TMEM178B: variants seen among roughly 807,000 people sequenced by gnomAD.
TMEM178B encodes the protein transmembrane protein 178B.
Under a neutral mutation model 31.0 loss-of-function variants are expected in TMEM178B, and 5 were observed. The ratio of observed to expected loss-of-function variants is 0.16; its 90% CI spans 0.08 to 0.34. TMEM178B has a LOEUF of 0.34. Ranked by LOEUF, TMEM178B falls within the 10% of genes least tolerant of loss-of-function variation. The pLI, the probability that TMEM178B is intolerant of heterozygous loss-of-function variation, is 1.00. For synonymous variants in TMEM178B, 164 were observed against 164.0 expected (o/e 1.00, Z 0.00); for missense variants, 275 against 400.3 (o/e 0.69, Z 2.67).
chr7:141,353,484 T>C (rs1332733879), intron 2 of TMEM178B, among the ~76,000 whole-genome samples: 1 of 152,244 alleles, frequency 6.6e-6, no homozygotes, highest in Non-Finnish European at 1.5e-5. Context: ...ATAGATGTTG[T>C]TCCTTTTGAC....
At chr7:141,277,019 G>A (rs903850717) in intron 2 of TMEM178B, among the ~76,000 whole-genome samples, 7 of 152,204 alleles carry the variant, frequency 4.6e-5, no homozygotes, top group Admixed American at 2.0e-4. Flanking sequence ...CTCTGGGTGA[G>A]TCAGTGAGTG....
At chr7:141,366,793 C>T (rs533375729) in intron 2 of TMEM178B, among the ~76,000 whole-genome samples, 6 of 152,202 alleles carry the variant, frequency 3.9e-5, no homozygotes, top group South Asian at 2.1e-4. Context: ...TTCCTTCATC[C>T]GATTTGGATG....
At chr7:141,208,697 A>C (rs1797004132) in intron 1 of TMEM178B, among the ~76,000 whole-genome samples, 1 of 152,076 alleles carries the variant, frequency 6.6e-6, no homozygotes, top group Non-Finnish European at 1.5e-5. Flanking sequence ...GCTCTTGCTG[A>C]ATGTCAAGGG....
At position 141,462,979 on chromosome 7, in the gene TMEM178B, C is replaced by T. The variant is rs980906927; in HGVS notation, c.635-7557C>T. Among the ~76,000 whole-genome samples, 4 of 152,284 alleles carry T rather than the reference C, an allele frequency of 2.6e-5. No individual in the cohort carries two copies. In the South Asian group the frequency reaches 8.3e-4, roughly 32 times the overall value. On this transcript the variant is annotated intron_variant, in intron 3 of 3. Transcript: ENST00000565468. ...TGTCTACATAGCCCATTCCCCACCT[C>T]GGCCATGCCTTCCCACTCACAGGTG...
At chr7:141,120,941 G>A (rs1039721658) in intron 1 of TMEM178B, among the ~76,000 whole-genome samples, 1 of 151,444 alleles carries the variant, frequency 6.6e-6, no homozygotes, top group Non-Finnish European at 1.5e-5. Flanking sequence ...CTCCAGACTG[G>A]GTGACAGAGC....
At chr7:141,316,589 A>G (rs1010221822) in intron 2 of TMEM178B, among the ~76,000 whole-genome samples, 1 of 152,122 alleles carries the variant, frequency 6.6e-6, no homozygotes, top group Non-Finnish European at 1.5e-5. Context: ...ACTTACACAC[A>G]TACACGAATA....
chr7:141,293,457 T>C (rs1471082112), intron 2 of TMEM178B, among the ~76,000 whole-genome samples: 1 of 152,196 alleles, frequency 6.6e-6, no homozygotes, highest in Non-Finnish European at 1.5e-5. Context: ...AAAGTGACTT[T>C]TGGAATTGGA....
Position 141,279,871 on chromosome 7 carries a change from G to A in TMEM178B, c.496+67167G>A, listed in dbSNP as rs917970343. ...CATGATTCCCAAGTTATTCACTTCTGGGATCCTAGAAGTCCAAACTCTCAA... is the reference window on the plus strand; with the variant it reads ...CATGATTCCCAAGTTATTCACTTCTAGGATCCTAGAAGTCCAAACTCTCAA... On this transcript the variant is annotated intron_variant, in intron 2 of 3. Coordinates refer to ENST00000565468, the MANE Select transcript of TMEM178B (RefSeq NM_001195278.2). Among the ~76,000 whole-genome samples the A allele has an allele frequency of 5.3e-5, 8 of 152,328 alleles. No homozygotes were observed. In the East Asian group the frequency reaches 1.5e-3, roughly 29 times the overall value.
chr7:141,231,933 A>G (rs767775532), intron 2 of TMEM178B, among the ~76,000 whole-genome samples: 1 of 152,122 alleles, frequency 6.6e-6, no homozygotes. Context: ...TCTATTAGCT[A>G]TTCTTCCTGA....
the TMEM178B span, among the ~76,000 whole-genome samples, chr7:141,506,122 G>A: frequency 6.6e-6 from 1 of 152,174 alleles, no homozygotes; most frequent in Admixed American, 6.5e-5. Context: ...TTGCTCCCAG[G>A]GCAGTTCTCT....
intron 1 of TMEM178B, among the ~76,000 whole-genome samples, chr7:141,192,423 G>A (rs569385078): frequency 2.6e-5 from 4 of 152,250 alleles, no homozygotes; most frequent in African/African-American, 9.6e-5. Flanking sequence ...TGTTCCAGGA[G>A]CTAACTGGGA....
At chr7:141,510,210 G>GT in the TMEM178B span, among the ~76,000 whole-genome samples, 1 of 152,218 alleles carries the variant, frequency 6.6e-6, no homozygotes, top group African/African-American at 2.4e-5. Context: ...GGTAAGCCCA[G>GT]TATTGCCAAG....
intron 1 of TMEM178B, among the ~76,000 whole-genome samples, chr7:141,169,223 G>T (rs1441291788): frequency 2.6e-5 from 4 of 152,192 alleles, no homozygotes; most frequent in Non-Finnish European, 5.9e-5. Context: ...ATAGGCCCCA[G>T]TGTGTTGTTC....
intron 2 of TMEM178B, among the ~76,000 whole-genome samples, chr7:141,278,550 C>A (rs1013181093): frequency 2.2e-4 from 3 of 13,506 alleles, no homozygotes; most frequent in African/African-American, 3.3e-3. Flanking sequence ...GCCATGGCAC[C>A]CAGATTGGGT....
At chr7:141,355,053 C>T (rs1799795215) in intron 2 of TMEM178B, among the ~76,000 whole-genome samples, 1 of 152,120 alleles carries the variant, frequency 6.6e-6, no homozygotes, top group African/African-American at 2.4e-5. Context: ...GGCAACCAGA[C>T]CAAAGTAAAC....
At chr7:141,134,233 T>C (rs1795638906) in intron 1 of TMEM178B, among the ~76,000 whole-genome samples, 1 of 151,964 alleles carries the variant, frequency 6.6e-6, no homozygotes, top group Non-Finnish European at 1.5e-5. Context: ...AGACTCTGAC[T>C]TGAAGAAAAC....
At chr7:141,121,952 C>G (rs1795414708) in intron 1 of TMEM178B, among the ~76,000 whole-genome samples, 1 of 152,186 alleles carries the variant, frequency 6.6e-6, no homozygotes, top group Non-Finnish European at 1.5e-5. Context: ...CTGTTGAAGT[C>G]TCCTTTCCCA....
At chr7:141,384,359 A>G (rs1006714244) in intron 2 of TMEM178B, among the ~76,000 whole-genome samples, 11 of 152,176 alleles carry the variant, frequency 7.2e-5, no homozygotes, top group Non-Finnish European at 1.3e-4. Context: ...TAGGTCTAAC[A>G]TTTAAGTCTT....
At chr7:141,232,200 C>T (rs1797459216) in intron 2 of TMEM178B, among the ~76,000 whole-genome samples, 1 of 152,122 alleles carries the variant, frequency 6.6e-6, no homozygotes, top group Non-Finnish European at 1.5e-5. Context: ...TTTCTTTATC[C>T]AGTCTATTAT....
Sources: allele counts gnomAD v4.1 joint callset (sites outside exome capture counted in the v4.1 genomes callset), GRCh38; gene constraint gnomAD v4.1.1; transcripts MANE v1.5; gene names NCBI Gene and HGNC (gene_info 2026-07-23, HGNC 2026-07-21).